Variants in SMOC2 observed in about 807,000 individuals in gnomAD.
SMOC2 encodes the protein SPARC related modular calcium binding 2.
SMOC2 carries 39 observed loss-of-function variants against 61.4 expected under a neutral mutation model. The observed-to-expected ratio is 0.64, with a 90% CI of 0.49 to 0.83. The LOEUF is 0.83. Among genes scored for constraint, SMOC2 ranks in the 40% least tolerant of loss-of-function variants. The pLI is 0.00. For synonymous variants in SMOC2, 247 were observed against 239.9 expected, an observed-to-expected ratio of 1.03 and a Z score of -0.27; for missense variants, 556 against 592.9, an observed-to-expected ratio of 0.94 and a Z score of 0.65.
intron 7 of SMOC2, among the ~76,000 whole-genome samples, chr6:168,598,245 C>T (rs1299472250): frequency 6.6e-6 from 1 of 152,188 alleles, no homozygotes; most frequent in African/African-American, 2.4e-5. Flanking sequence ...TTGGGGAGAC[C>T]CCAGGTGAGA....
intron 1 of SMOC2, among the ~76,000 whole-genome samples, chr6:168,468,374 A>C (rs1183032380): frequency 1.3e-5 from 2 of 152,184 alleles, no homozygotes; most frequent in East Asian, 3.8e-4. Context: ...AAAACTTTGG[A>C]GCCAAGGGAA....
chr6:168,615,085 G>C (rs1786030389), intron 9 of SMOC2, among the ~76,000 whole-genome samples: 2 of 94,062 alleles, frequency 2.1e-5, no homozygotes, highest in African/African-American at 4.3e-5. Flanking sequence ...AGCCGGCACA[G>C]GGCCTCTTCA....
At position 168,516,255 on chromosome 6, in the gene SMOC2, T is replaced by C. The variant is rs554978630; in HGVS notation, c.256+6169T>C. 1.4e-4 allele frequency among the ~76,000 whole-genome samples: 22 copies of C among 152,282 alleles called. No individual in the cohort carries two copies. In the East Asian group the frequency reaches 3.9e-3, roughly 27 times the overall value. On this transcript the variant is annotated intron_variant, in intron 2 of 12. Transcript: ENST00000356284. ...CTGATGCATTTTTCTCATATTTTCATAGAAATTTGTGGAGTTTATGTTTTC... is the reference window on the plus strand; with the variant it reads ...CTGATGCATTTTTCTCATATTTTCACAGAAATTTGTGGAGTTTATGTTTTC...
chr6:168,556,157 G>A (rs1441666063), intron 7 of SMOC2, among the ~76,000 whole-genome samples: 1 of 152,150 alleles, frequency 6.6e-6, no homozygotes, highest in Non-Finnish European at 1.5e-5. Context: ...GGGGTCCGCG[G>A]CTGTGCGGGA....
intron 4 of SMOC2, among the ~76,000 whole-genome samples, chr6:168,541,958 A>C (rs961028366): frequency 2.6e-5 from 4 of 152,222 alleles, no homozygotes; most frequent in Admixed American, 2.6e-4. Context: ...CTGTCTGTAC[A>C]GTGCAAAATA....
intron 9 of SMOC2, among the ~76,000 whole-genome samples, chr6:168,624,565 T>C (rs928078414): frequency 5.4e-5 from 7 of 129,052 alleles, no homozygotes; most frequent in Non-Finnish European, 1.2e-4. Context: ...CACACTGACA[T>C]ACAGAAACAC....
chr6:168,633,871 C>G (rs1187114889), intron 9 of SMOC2, among the ~76,000 whole-genome samples: 2 of 152,158 alleles, frequency 1.3e-5, no homozygotes, highest in South Asian at 4.2e-4. Context: ...GTGAGAGGGA[C>G]CTGGTGGGAG....
intron 1 of SMOC2, among the ~76,000 whole-genome samples, chr6:168,473,673 G>A (rs922749715): frequency 1.3e-5 from 2 of 152,248 alleles, no homozygotes; most frequent in Admixed American, 6.5e-5. Context: ...GGTGCAGGCC[G>A]TCCTTGTCAT....
At position 168,506,414 on chromosome 6, in the gene SMOC2, A is replaced by G. The variant is rs557207944; in HGVS notation, c.85-3501A>G. Among the ~76,000 whole-genome samples, 196 of 152,316 alleles carry G rather than the reference A, an allele frequency of 1.3e-3. 2 individuals carry two copies. The highest frequency in any genetic ancestry group is 4.6e-3 in the African/African-American group (191 of 41,570). Reference sequence around the variant, plus strand: ...ATGTCTTCTTATGTCACGTTATCTCATATAGTCAGAGACGTATTTAATCAA... The same window carrying G: ...ATGTCTTCTTATGTCACGTTATCTCGTATAGTCAGAGACGTATTTAATCAA... On this transcript the variant is annotated intron_variant, in intron 1 of 12. Transcript: ENST00000356284.
chr6:168,575,221 A>T (rs1435191239), intron 7 of SMOC2, among the ~76,000 whole-genome samples: 2 of 152,182 alleles, frequency 1.3e-5, no homozygotes, highest in African/African-American at 4.8e-5. Context: ...TTGCTGCTGA[A>T]CATTTCAGGC....
At chr6:168,442,380 G>A (rs111759737) in intron 1 of SMOC2, among the ~76,000 whole-genome samples, 7,457 of 152,352 alleles carry the variant, frequency 0.049, 625 homozygotes, top group African/African-American at 0.17. Flanking sequence ...CCAAGCCCCC[G>A]CCGGCCAAGC....
At chr6:168,448,282 CAGA>C (rs1433803619) in intron 1 of SMOC2, among the ~76,000 whole-genome samples, 2 of 130,850 alleles carry the variant, frequency 1.5e-5, no homozygotes, top group Non-Finnish European at 3.0e-5. Context: ...AGGAGCAAAG[CAGA>C]AGGTGTGGAA....
intron 4 of SMOC2, 141 bp downstream of exon 4, chr6:168,527,868 C>T (rs1783492659): frequency 3.1e-6 from 2 of 652,674 alleles, no homozygotes; most frequent in African/African-American, 3.6e-5. Flanking sequence ...GGGAATAGAT[C>T]TCGTCACTGA....
chr6:168,603,478 C>T (rs909733588), intron 8 of SMOC2, among the ~76,000 whole-genome samples: 1 of 151,962 alleles, frequency 6.6e-6, no homozygotes, highest in Admixed American at 6.6e-5. Flanking sequence ...AATCTCTCAA[C>T]AATCCTGAAA....
intron 1 of SMOC2, among the ~76,000 whole-genome samples, chr6:168,470,535 G>C (rs769570465): frequency 2.0e-5 from 3 of 151,986 alleles, no homozygotes; most frequent in Admixed American, 2.0e-4. Context: ...AATTAACCAG[G>C]TGTTAGTGGC....
At chr6:168,491,421 A>T (rs965807208) in intron 1 of SMOC2, among the ~76,000 whole-genome samples, 2 of 152,204 alleles carry the variant, frequency 1.3e-5, no homozygotes, top group African/African-American at 4.8e-5. Context: ...CCAAGACCTC[A>T]TGGCAGTCTG....
At chr6:168,592,318 G>A (rs1417813483) in intron 7 of SMOC2, among the ~76,000 whole-genome samples, 1 of 136,762 alleles carries the variant, frequency 7.3e-6, no homozygotes. Context: ...GAGGCCTCAC[G>A]GGCGTCTTTC....
chr6:168,453,955 C>G lies in SMOC2; in HGVS notation c.84+12501C>G, dbSNP rs142842059. ...GATTCTATCTTTGGTCTCTGCCATT[C>G]TCCCTCTCTGTTTTGTCTATCTTTC... On this transcript the variant is annotated intron_variant, in intron 1 of 12. Coordinates refer to ENST00000356284, the MANE Select transcript of SMOC2 (RefSeq NM_001166412.2). The surrounding 1 kb of genome is among the most constrained non-coding windows in gnomAD (Gnocchi z 4.4). 9.2e-5 allele frequency among the ~76,000 whole-genome samples: 14 copies of G among 152,048 alleles called. No homozygotes were observed. The highest frequency in any genetic ancestry group is 3.4e-3 in the Middle Eastern group (1 of 292).
intron 4 of SMOC2, among the ~76,000 whole-genome samples, chr6:168,529,257 G>C (rs977402517): frequency 1.3e-5 from 2 of 152,194 alleles, no homozygotes; most frequent in African/African-American, 4.8e-5. Flanking sequence ...AATGGACTGG[G>C]GAAGAGAGTA....
Sources: allele counts gnomAD v4.1 joint callset (sites outside exome capture counted in the v4.1 genomes callset), GRCh38; gene constraint gnomAD v4.1.1; non-coding constraint Gnocchi (gnomAD v3.1); transcripts MANE v1.5; gene names NCBI Gene and HGNC (gene_info 2026-07-23, HGNC 2026-07-21).